The following NREP variants were observed in gnomAD, a reference collection of about 807,000 sequenced individuals.
The protein encoded by NREP is neuronal regeneration related protein.
NREP carries 5 observed loss-of-function variants against 8.6 expected under a neutral mutation model. The observed-to-expected ratio is 0.58, with a 90% CI of 0.30 to 1.22. The LOEUF is 1.22. NREP is among the 50% of genes most tolerant of loss of function. The probability of loss-of-function intolerance (pLI) is 0.07; values close to 1 mark genes in which losing one functional copy is unlikely to be tolerated. For synonymous variants in NREP, 27 were observed against 28.0 expected, an observed-to-expected ratio of 0.96 and a Z score of 0.11; for missense variants, 86 against 82.5, an observed-to-expected ratio of 1.04 and a Z score of -0.17.
intron 1 of NREP, chr5:111,976,686 C>T (rs1475700257): frequency 6.5e-7 from 1 of 1,543,978 alleles, no homozygotes; most frequent in Non-Finnish European, 8.8e-7. Flanking sequence ...CATATGCATA[C>T]ACAGTAAGTT....
chr5:111,843,137 C>A (rs963528842), intron 2 of NREP, among the ~76,000 whole-genome samples: 5 of 151,922 alleles, frequency 3.3e-5, no homozygotes, highest in African/African-American at 9.7e-5. Context: ...ACTTTCTTCC[C>A]CTTTATTTCT....
At chr5:111,818,204 CATATT>C (rs993430494) in intron 2 of NREP, among the ~76,000 whole-genome samples, 29 of 152,100 alleles carry the variant, frequency 1.9e-4, no homozygotes, top group African/African-American at 7.0e-4. Context: ...TCTGCAGTGT[CATATT>C]ATAATTAATT....
At chr5:111,802,137 C>T (rs534777048) in intron 2 of NREP, among the ~76,000 whole-genome samples, 5 of 152,150 alleles carry the variant, frequency 3.3e-5, no homozygotes, top group African/African-American at 7.2e-5. Context: ...GTACCACAGA[C>T]GGTTAGGAGA....
intron 2 of NREP, among the ~76,000 whole-genome samples, chr5:111,808,552 T>C (rs1752195768): frequency 6.6e-6 from 1 of 152,222 alleles, no homozygotes; most frequent in Non-Finnish European, 1.5e-5. Flanking sequence ...TAATAAGCAA[T>C]AATATTGTTC....
intron 2 of NREP, among the ~76,000 whole-genome samples, chr5:111,877,137 T>C (rs1462257244): frequency 1.3e-5 from 2 of 152,152 alleles, no homozygotes; most frequent in Non-Finnish European, 2.9e-5. Context: ...AAGCCAAATA[T>C]TCTCATCATA....
rs184278227 is a variant in NREP, at chr5:111,917,022, C to A, written c.135+58252G>T. On this transcript the variant is annotated intron_variant, in intron 2 of 3. Transcript: ENST00000395634. ...TGGGCACCGTGGAGATCCAATGTGG[C>A]ATTTGACCTTTTGACTTGGGGTTTT... Among the ~76,000 whole-genome samples the A allele has an allele frequency of 3.3e-5, 5 of 152,198 alleles. No homozygotes were observed. The East Asian group carries it at 9.7e-4, about 30-fold the overall frequency.
chr5:111,731,091 A>G, intron 3 of NREP, 45 bp from the exon 4 acceptor site: 1 of 1,595,758 alleles, frequency 6.3e-7, no homozygotes, highest in Non-Finnish European at 8.6e-7. Context: ...CACATAAAAG[A>G]CAAAATTAGT....
intron 2 of NREP, among the ~76,000 whole-genome samples, chr5:111,886,218 A>G (rs1025360779): frequency 1.3e-5 from 2 of 152,248 alleles, no homozygotes; most frequent in Non-Finnish European, 1.5e-5. Flanking sequence ...ACCACATGAA[A>G]AAATGCTCAC....
At chr5:111,957,546 A>G (rs1024029681) in intron 2 of NREP, among the ~76,000 whole-genome samples, 1 of 151,650 alleles carries the variant, frequency 6.6e-6, no homozygotes, top group African/African-American at 2.4e-5. Flanking sequence ...AATAAAAAAG[A>G]AAATGTGTTA....
At chr5:111,964,179 T>A (rs143593212) in intron 2 of NREP, among the ~76,000 whole-genome samples, 1 of 152,254 alleles carries the variant, frequency 6.6e-6, no homozygotes, top group Admixed American at 6.5e-5. Context: ...ATGTATTTTC[T>A]AATTTTTGCT....
At chr5:111,784,758 T>A (rs1393704639) in intron 2 of NREP, among the ~76,000 whole-genome samples, 1 of 152,194 alleles carries the variant, frequency 6.6e-6, no homozygotes, top group Non-Finnish European at 1.5e-5. Flanking sequence ...TAGAGCACTA[T>A]AGGACTCAGT....
intron 2 of NREP, among the ~76,000 whole-genome samples, chr5:111,919,917 A>AAGAAAGAAAGAAAGAT (rs1755183797): frequency 6.8e-6 from 1 of 147,642 alleles, no homozygotes; most frequent in African/African-American, 2.5e-5. Context: ...GAAAGAAAGA[A>AAGAAAGAAAGAAAGAT]AGATCTGAAC....
chr5:111,836,886 G>A (rs1186460440), intron 2 of NREP, among the ~76,000 whole-genome samples: 3 of 151,918 alleles, frequency 2.0e-5, no homozygotes, highest in Non-Finnish European at 2.9e-5. Flanking sequence ...CTTCTTTCTG[G>A]GTGCTAGGAC....
intron 2 of NREP, among the ~76,000 whole-genome samples, chr5:111,954,263 G>C (rs1023502467): frequency 6.6e-6 from 1 of 152,074 alleles, no homozygotes; most frequent in Non-Finnish European, 1.5e-5. Context: ...CAGAGGAAAA[G>C]CTGGAATCAA....
At chr5:111,735,159 GACTTAAAACCTGTAA>G (rs1308708415) in intron 3 of NREP, 1 of 362,694 alleles carries the variant, frequency 2.8e-6, no homozygotes, top group Non-Finnish European at 5.0e-6. Flanking sequence ...AAATGGAACA[GACTTAAAACCTGTAA>G]ACTGTACTTT....
intron 2 of NREP, among the ~76,000 whole-genome samples, chr5:111,918,782 A>G (rs1344809384): frequency 2.9e-4 from 44 of 152,232 alleles, no homozygotes; most frequent in Non-Finnish European, 1.3e-4. Flanking sequence ...ACGCAATTCC[A>G]TTCAGGACAT....
chr5:111,851,106 G>C (rs971592366), intron 2 of NREP, among the ~76,000 whole-genome samples: 4 of 152,152 alleles, frequency 2.6e-5, no homozygotes, highest in Non-Finnish European at 4.4e-5. Flanking sequence ...CAATGTCTAA[G>C]ATATAGTTTC....
intron 2 of NREP, among the ~76,000 whole-genome samples, chr5:111,787,162 C>T (rs751133146): frequency 9.9e-5 from 15 of 152,154 alleles, no homozygotes; most frequent in Non-Finnish European, 2.2e-4. Context: ...CTCCCACATC[C>T]CAACAGGTTG....
chr5:111,944,376 T>C (rs1432289830), intron 2 of NREP, among the ~76,000 whole-genome samples: 1 of 152,072 alleles, frequency 6.6e-6, no homozygotes, highest in Non-Finnish European at 1.5e-5. Context: ...GGTACAATCT[T>C]GGCTTACTGC....
Sources: allele counts gnomAD v4.1 joint callset (sites outside exome capture counted in the v4.1 genomes callset), GRCh38; gene constraint gnomAD v4.1.1; transcripts MANE v1.5; gene names NCBI Gene and HGNC (gene_info 2026-07-23, HGNC 2026-07-21).